The following SLC3A1 variants were observed in gnomAD, a reference collection of about 807,000 sequenced individuals.
SLC3A1 encodes amino acid transporter heavy chain SLC3A1.
In SLC3A1, 78 loss-of-function variants were observed where a neutral mutation model predicts 60.3. The ratio of observed to expected loss-of-function variants is 1.29; its 90% CI spans 1.08 to 1.56. The LOEUF is 1.56. Among genes scored for constraint, SLC3A1 ranks in the 40% most tolerant of loss-of-function variants. The pLI is 0.00. For missense variants in SLC3A1, 1,172 were observed against 858.9 expected (o/e 1.36, Z -4.56); for synonymous variants, 392 against 307.9 (o/e 1.27, Z -2.86).
Position 44,275,855 on chromosome 2 carries a change from T to C in SLC3A1, c.320T>C (p.Ile107Thr), listed in dbSNP as rs370507631. The change falls in exon 1 of 10, where the codon ATC becomes ACC. Residue 107 changes from isoleucine (I) to threonine (T), a missense_variant. Physicochemically the swap from Ile to Thr is moderately conservative, Grantham distance 89. Coordinates refer to ENST00000260649, the MANE Select transcript of SLC3A1 (RefSeq NM_000341.4). ...VLVLIAATIA[I>T]IALSPKCLDW... ...GTGCTCATCGCGGCCACCATAGCCA[T>C]CATTGCCCTCTCTCCAAAGTGCCTA... 128 of 1,614,092 alleles carry C rather than the reference T, an allele frequency of 7.9e-5. No homozygotes were observed. Among genetic ancestry groups the C allele is most frequent in the Non-Finnish European group, 1.0e-4 (122 of 1,180,038 alleles).
chr2:44,320,876 G>T lies in SLC3A1; in HGVS notation c.*237G>T. On this transcript the variant is annotated 3_prime_UTR_variant, in exon 10 of 10. Transcript: ENST00000260649. ...TATTCAGATAGCATCAATCAGGGAT[G>T]ACCAGAACACATTAGGACCCCAGAT... 1.9e-6 allele frequency: 1 copy of T among 540,078 alleles called. No homozygotes were observed. The allele number at this position is 540,078 out of a possible 1,614,324, so 33.5% of individuals were successfully genotyped here. A position where few individuals can be genotyped will look rare whatever the true frequency, so the allele number is the denominator to read the frequency against.
intron 9 of SLC3A1, 25 bp from the exon 10 acceptor site, chr2:44,320,174 C>A (rs750454187): frequency 1.3e-6 from 2 of 1,566,670 alleles, no homozygotes; most frequent in Non-Finnish European, 1.8e-6. Context: ...CAAACACTTA[C>A]GTAAATACTT....
intron 9 of SLC3A1, 116 bp downstream of exon 9, chr2:44,314,067 C>T (rs1249620096): frequency 1.9e-6 from 3 of 1,558,660 alleles, no homozygotes; most frequent in Admixed American, 1.9e-5. Context: ...TTAAATCAAT[C>T]ACAGACTTCC....
At chr2:44,278,779 C>A (rs530861847) in intron 1 of SLC3A1, among the ~76,000 whole-genome samples, 1 of 152,148 alleles carries the variant, frequency 6.6e-6, no homozygotes, top group South Asian at 2.1e-4. Context: ...GCCTAGAATT[C>A]TCTTCTGTAT....
intron 7 of SLC3A1, among the ~76,000 whole-genome samples, chr2:44,306,146 G>T (rs1672151126): frequency 6.6e-6 from 1 of 152,160 alleles, no homozygotes; most frequent in Non-Finnish European, 1.5e-5. Context: ...TATAGAGAGA[G>T]AGTTGCCTTA....
intron 6 of SLC3A1, 23 bp from the exon 7 acceptor site, chr2:44,304,120 C>T (rs1315846376): frequency 1.2e-6 from 2 of 1,603,312 alleles, no homozygotes; most frequent in Admixed American, 1.7e-5. Context: ...CCCGATGACA[C>T]TGAACCTTGT....
intron 9 of SLC3A1, chr2:44,318,814 C>T (rs779664958): frequency 6.6e-6 from 1 of 152,086 alleles, no homozygotes; most frequent in South Asian, 2.1e-4. Context: ...ATATGAAAAG[C>T]ATTATATGAG....
downstream of SLC3A1, chr2:44,321,659 C>T: frequency 6.6e-7 from 1 of 1,523,976 alleles, no homozygotes; most frequent in Non-Finnish European, 8.8e-7. Flanking sequence ...AAGAGAGAGA[C>T]ATTTCTCTTG....
intron 4 of SLC3A1, among the ~76,000 whole-genome samples, chr2:44,298,653 T>C (rs976273421): frequency 6.6e-6 from 1 of 152,090 alleles, no homozygotes; most frequent in Admixed American, 6.5e-5. Flanking sequence ...GCTGGGATTA[T>C]AGGCGTGAGC....
intron 4 of SLC3A1, among the ~76,000 whole-genome samples, chr2:44,291,768 G>A (rs1313053691): frequency 6.6e-6 from 1 of 152,108 alleles, no homozygotes; most frequent in Non-Finnish European, 1.5e-5. Flanking sequence ...TTGTACTCCT[G>A]GAGCCTGAGC....
At chr2:44,297,988 ATTGGGTTGT>A (rs1671897025) in intron 4 of SLC3A1, among the ~76,000 whole-genome samples, 1 of 152,172 alleles carries the variant, frequency 6.6e-6, no homozygotes, top group South Asian at 2.1e-4. Context: ...TGGATAGACC[ATTGGGTTGT>A]TTCCACTTTC....
intron 7 of SLC3A1, among the ~76,000 whole-genome samples, chr2:44,309,601 C>G (rs937852099): frequency 6.6e-6 from 1 of 152,010 alleles, no homozygotes; most frequent in Non-Finnish European, 1.5e-5. Flanking sequence ...CATAATACTT[C>G]TTTTGTTTTG....
At chr2:44,304,052 A>G (rs1672087404) in intron 6 of SLC3A1, 91 bp from the exon 7 acceptor site, 1 of 955,510 alleles carries the variant, frequency 1.0e-6, no homozygotes, top group Non-Finnish European at 1.7e-6. Flanking sequence ...TTCAGCCCCT[A>G]CATCTTGTAC....
chr2:44,301,011 C>A lies in SLC3A1; in HGVS notation c.1020C>A (p.Val340=). Residue 340 remains valine, a synonymous_variant, in exon 6 of 10, where the codon GTC becomes GTA. Coordinates refer to ENST00000260649, the MANE Select transcript of SLC3A1 (RefSeq NM_000341.4). The part of the protein sequence containing the change: ...QVNKTQIPDT[V]TQYSELYHDF... The stretch of plus-strand genomic sequence containing the variant: ...CGTCCTGGTTTTCAAAGGACACGGT[C>A]ACACAATACTCGGAGCTGTACCATG... 6.2e-7 allele frequency: 1 copy of A among 1,614,034 alleles called. No individual in the cohort carries two copies. Among genetic ancestry groups the A allele is most frequent in the South Asian group, 1.1e-5 (1 of 91,068 alleles).
At chr2:44,307,869 T>C (rs1382710646) in intron 7 of SLC3A1, among the ~76,000 whole-genome samples, 2 of 152,258 alleles carry the variant, frequency 1.3e-5, no homozygotes, top group Non-Finnish European at 1.5e-5. Context: ...TTGTTACTTG[T>C]ACTTTTAGTG....
intron 1 of SLC3A1, among the ~76,000 whole-genome samples, chr2:44,279,440 C>T (rs1671440271): frequency 6.6e-6 from 1 of 152,176 alleles, no homozygotes; most frequent in Admixed American, 6.5e-5. Flanking sequence ...TCATCAGCTT[C>T]CTCTGCCCCT....
chr2:44,318,854 C>A (rs1373315009), intron 9 of SLC3A1: 1 of 152,076 alleles, frequency 6.6e-6, no homozygotes, highest in Admixed American at 6.5e-5. Flanking sequence ...ATTGATAAAA[C>A]ATTCCACCAA....
chr2:44,311,077 G>A (rs1672284391), intron 7 of SLC3A1, among the ~76,000 whole-genome samples: 1 of 152,084 alleles, frequency 6.6e-6, no homozygotes, highest in Non-Finnish European at 1.5e-5. Flanking sequence ...TTACAGGTGG[G>A]AGCCACAGTG....
chr2:44,320,571 G>T lies in SLC3A1; in HGVS notation c.1990G>T (p.Asp664Tyr). ...CCTTCATCGCCAAACAGCTTTCAGA[G>T]ATAGATGCTTTGTTTCCAATCGAGC... ...NLLHRQTAFRDRCFVSNRACY... is the reference protein window; with the variant it reads ...NLLHRQTAFRYRCFVSNRACY... The change falls in exon 10 of 10, where the codon GAT (aspartate) becomes TAT (tyrosine). Residue 664 changes from aspartate to tyrosine, a missense_variant. By Grantham distance (160) the Asp-to-Tyr change is radical. Transcript: ENST00000260649. 1 of 1,614,056 alleles carries T rather than the reference G, an allele frequency of 6.2e-7. No homozygotes were observed. The highest frequency in any genetic ancestry group is 8.5e-7 in the Non-Finnish European group (1 of 1,179,944).
Sources: allele counts gnomAD v4.1 joint callset (sites outside exome capture counted in the v4.1 genomes callset), GRCh38; gene constraint gnomAD v4.1.1; transcripts MANE v1.5; gene names NCBI Gene and HGNC (gene_info 2026-07-23, HGNC 2026-07-21).